The following GSK3B variants were observed in gnomAD, a reference collection of about 807,000 sequenced individuals.
GSK3B encodes glycogen synthase kinase 3 beta.
Under a neutral mutation model 56.4 loss-of-function variants are expected in GSK3B, and 15 were observed. The observed-to-expected ratio is 0.27, with a 90% CI of 0.18 to 0.41. The LOEUF (loss-of-function observed/expected upper bound fraction) is 0.41. Among genes scored for constraint, GSK3B ranks in the 10% least tolerant of loss-of-function variants. The pLI is 1.00. For synonymous variants in GSK3B, 181 were observed against 188.9 expected, an observed-to-expected ratio of 0.96 and a Z score of 0.34; for missense variants, 300 against 513.4, an observed-to-expected ratio of 0.58 and a Z score of 4.02.
intron 1 of GSK3B, among the ~76,000 whole-genome samples, chr3:120,034,319 A>G (rs749581481): frequency 9.9e-5 from 15 of 152,088 alleles, no homozygotes; most frequent in Non-Finnish European, 1.5e-4. Flanking sequence ...ACTTACTCCT[A>G]TGTTTTCTCC....
chr3:120,004,436 A>G (rs1040018066), intron 1 of GSK3B, among the ~76,000 whole-genome samples: 2 of 152,182 alleles, frequency 1.3e-5, no homozygotes, highest in African/African-American at 4.8e-5. Context: ...ATGGCGTTTC[A>G]GCTCCCGATA....
At chr3:120,026,520 C>T (rs1027637831) in intron 1 of GSK3B, among the ~76,000 whole-genome samples, 8 of 86,170 alleles carry the variant, frequency 9.3e-5, no homozygotes, top group Non-Finnish European at 1.8e-4. Context: ...AATACACACA[C>T]ACACACACAC....
chr3:119,970,613 T>TAAAAAAAAAAAA (rs1170925404), intron 2 of GSK3B, among the ~76,000 whole-genome samples: 1 of 114,290 alleles, frequency 8.7e-6, no homozygotes. Context: ...CTACTAAAAT[T>TAAAAAAAAAAAA]AAAAAAAAAA....
At chr3:120,015,505 C>T (rs1422823303) in intron 1 of GSK3B, among the ~76,000 whole-genome samples, 1 of 151,838 alleles carries the variant, frequency 6.6e-6, no homozygotes, top group East Asian at 1.9e-4. Flanking sequence ...AAAAAATTAA[C>T]TGGGCATGGT....
chr3:120,018,423 C>T (rs2057845217), intron 1 of GSK3B, among the ~76,000 whole-genome samples: 1 of 152,134 alleles, frequency 6.6e-6, no homozygotes, highest in Admixed American at 6.6e-5. Flanking sequence ...CTTGAATATG[C>T]AAAGATTTTG....
At chr3:119,911,728 T>C (rs1192756185) in intron 6 of GSK3B, among the ~76,000 whole-genome samples, 2 of 152,216 alleles carry the variant, frequency 1.3e-5, no homozygotes, top group Non-Finnish European at 2.9e-5. Flanking sequence ...CCTTGCACTT[T>C]TATGGCATGG....
At chr3:120,035,212 G>C (rs1302127647) in intron 1 of GSK3B, among the ~76,000 whole-genome samples, 1 of 151,334 alleles carries the variant, frequency 6.6e-6, no homozygotes, top group Non-Finnish European at 1.5e-5. Context: ...ATAATATGAA[G>C]ACACACAGGT....
At chr3:119,866,661 CAG>C (rs2056187078) in intron 8 of GSK3B, 1 of 1,472,114 alleles carries the variant, frequency 6.8e-7, no homozygotes, top group South Asian at 1.2e-5. Context: ...ATAATCCAAA[CAG>C]GGGAAGTCAA....
intron 1 of GSK3B, among the ~76,000 whole-genome samples, chr3:120,035,074 G>A (rs1007119906): frequency 6.6e-6 from 1 of 151,884 alleles, no homozygotes. Flanking sequence ...GCCTGGGCGA[G>A]AGAGTGAGAC....
At chr3:119,977,505 G>A (rs939296938) in intron 2 of GSK3B, among the ~76,000 whole-genome samples, 1 of 152,178 alleles carries the variant, frequency 6.6e-6, no homozygotes, top group Admixed American at 6.5e-5. Flanking sequence ...TCTTAGAGCT[G>A]TACTGGCAAT....
chr3:120,050,638 G>A (rs1243296697), intron 1 of GSK3B, among the ~76,000 whole-genome samples: 1 of 152,312 alleles, frequency 6.6e-6, no homozygotes, highest in South Asian at 2.1e-4. Flanking sequence ...CCAAGATAGA[G>A]AGGAAGAAGA....
At chr3:119,841,779 T>C (rs1471705770) in intron 10 of GSK3B, among the ~76,000 whole-genome samples, 2 of 152,230 alleles carry the variant, frequency 1.3e-5, no homozygotes, top group African/African-American at 4.8e-5. Context: ...AGGTAGCATG[T>C]GCTGATAAAC....
intron 1 of GSK3B, among the ~76,000 whole-genome samples, chr3:120,062,323 CAT>C (rs752784028): frequency 4.6e-5 from 7 of 152,140 alleles, no homozygotes; most frequent in African/African-American, 1.4e-4. Context: ...CCTTTCATTA[CAT>C]GTTTGCTTCA....
At chr3:120,039,712 C>G (rs1164735018) in intron 1 of GSK3B, among the ~76,000 whole-genome samples, 1 of 152,184 alleles carries the variant, frequency 6.6e-6, no homozygotes, top group African/African-American at 2.4e-5. Context: ...GAACCCAGCC[C>G]ATGCGGGAGT....
intron 1 of GSK3B, among the ~76,000 whole-genome samples, chr3:120,059,524 C>T (rs2058219557): frequency 6.6e-6 from 1 of 152,186 alleles, no homozygotes; most frequent in East Asian, 1.9e-4. Context: ...AATCCTACAG[C>T]AAGTTTCATC....
At chr3:120,030,522 T>C (rs1247106546) in intron 1 of GSK3B, among the ~76,000 whole-genome samples, 1 of 152,216 alleles carries the variant, frequency 6.6e-6, no homozygotes, top group East Asian at 1.9e-4. Flanking sequence ...CATGCCATTA[T>C]TCCCTTGCTC....
intron 1 of GSK3B, among the ~76,000 whole-genome samples, chr3:120,069,583 A>G (rs1446742163): frequency 2.6e-5 from 4 of 152,100 alleles, no homozygotes; most frequent in African/African-American, 9.7e-5. Flanking sequence ...TCATATTTGA[A>G]CATTTTATTA....
chr3:119,851,529 T>A (rs1272863416), intron 9 of GSK3B, among the ~76,000 whole-genome samples: 2 of 152,154 alleles, frequency 1.3e-5, no homozygotes, highest in Non-Finnish European at 2.9e-5. Flanking sequence ...AGGACAAATT[T>A]GAGAGCAGCA....
Position 119,867,286 on chromosome 3 carries a change from G to GAT in GSK3B, c.910-3683_910-3682dup, listed in dbSNP as rs1457657927. On this transcript the variant is annotated intron_variant, in intron 8 of 10. Coordinates refer to ENST00000264235, the MANE Select transcript of GSK3B (RefSeq NM_001146156.2). ...TTTTGGATTGACTTCTCTGCTAAAA[G>GAT]ATGTTTCTTTGCTGACATTCTCATT... Among the ~76,000 whole-genome samples, 195 of 152,282 alleles carry GAT rather than the reference G, an allele frequency of 1.3e-3. 2 individuals are homozygous for GAT. Among genetic ancestry groups the GAT allele is most frequent in the African/African-American group, 4.4e-3 (183 of 41,564 alleles).
Sources: gnomAD v4.1 joint callset for allele counts (sites outside exome capture counted in the v4.1 genomes callset) on GRCh38, gnomAD v4.1.1 for gene constraint, MANE v1.5 for transcripts, NCBI Gene and HGNC (gene_info 2026-07-23, HGNC 2026-07-21) for gene names.